Variants in NEUROD4 observed in about 807,000 individuals in gnomAD.
NEUROD4 encodes neurogenic differentiation factor 4.
In NEUROD4, 16 loss-of-function variants were observed where a neutral mutation model predicts 19.8. The observed-to-expected ratio is 0.81, with a 90% CI of 0.55 to 1.23. The LOEUF is 1.23. NEUROD4 is among the 50% of genes most tolerant of loss of function. The pLI is 0.00. For synonymous variants in NEUROD4, 153 were observed against 147.9 expected (o/e 1.03, Z -0.25); for missense variants, 439 against 398.6 (o/e 1.10, Z -0.86).
Position 55,026,549 on chromosome 12 carries a change from G to T in NEUROD4, c.110G>T (p.Arg37Ile). The change falls in exon 2 of 2, where the codon AGA becomes ATA. Residue 37 changes from arginine (R) to isoleucine (I), a missense_variant. By Grantham distance (97) the Arg-to-Ile change is moderately conservative. Transcript: ENST00000242994. ...AATGAGGTGAAGGAGGAAGAGAGCA[G>T]ACCAGGTACTTATGGGATGCTCAGC... ...SQNEVKEEESRPGTYGMLSSL... is the reference protein window; with the variant it reads ...SQNEVKEEESIPGTYGMLSSL... 6.2e-7 allele frequency: 1 copy of T among 1,614,026 alleles called. No homozygotes were observed. Among genetic ancestry groups the T allele is most frequent in the South Asian group, 1.1e-5 (1 of 91,048 alleles).
intron 1 of NEUROD4, among the ~76,000 whole-genome samples, chr12:55,024,781 C>A (rs1371019385): frequency 6.6e-6 from 1 of 152,134 alleles, no homozygotes; most frequent in South Asian, 2.1e-4. Flanking sequence ...ACCCAGGAAG[C>A]CTTATTAAGT....
chr12:55,026,374 G>A (rs1278240184), intron 1 of NEUROD4, 57 bp from the exon 2 acceptor site: 7 of 1,469,190 alleles, frequency 4.8e-6, no homozygotes, highest in Admixed American at 2.3e-5. Flanking sequence ...AAAAACTTTA[G>A]TTTCAAATAA....
chr12:55,026,652 T>C lies in NEUROD4; in HGVS notation c.213T>C (p.Gly71=). 1 of 1,613,124 alleles carries C rather than the reference T, an allele frequency of 6.2e-7. No homozygotes were observed. The highest frequency in any genetic ancestry group is 8.5e-7 in the Non-Finnish European group (1 of 1,179,726). ...ATGGGGAGAAACCTAAGAGAAGGGG[T>C]CCCAAGAAAAAGAAGATGACCAAAG... The part of the protein sequence containing the change: ...EEDGEKPKRR[G]PKKKKMTKAR... The change falls in exon 2 of 2, where the codon GGT becomes GGC. Residue 71 remains glycine, a synonymous_variant. Transcript: ENST00000242994.
chr12:55,026,631 G>A lies in NEUROD4; in HGVS notation c.192G>A (p.Gly64=), dbSNP rs1446116793. ...IEEEEEEEED[G]EKPKRRGPKK... is the part of the protein sequence containing the mutation. ...AAGAAGAAGAAGAGGAAGAAGATGG[G>A]GAGAAACCTAAGAGAAGGGGTCCCA... The change falls in exon 2 of 2, where the codon GGG becomes GGA. Residue 64 remains glycine, a synonymous_variant. Transcript: ENST00000242994. 4 of 1,613,710 alleles carry A rather than the reference G, an allele frequency of 2.5e-6. No individual in the cohort carries two copies. The Admixed American group carries it at 6.7e-5, about 27-fold the overall frequency.
chr12:55,026,922 G>C lies in NEUROD4; in HGVS notation c.483G>C (p.Gly161=). 6.2e-7 allele frequency: 1 copy of C among 1,614,144 alleles called. No homozygotes were observed. Among genetic ancestry groups the C allele is most frequent in the Non-Finnish European group, 8.5e-7 (1 of 1,180,020 alleles). The change falls in exon 2 of 2, where the codon GGG becomes GGC. Residue 161 remains glycine (G), a synonymous_variant. Transcript: ENST00000242994. ...GKGFVEMLCK[G]LSQPTSNLVA... ...GCTTTGTGGAGATGCTGTGTAAAGG[G>C]CTCTCTCAGCCCACAAGCAACCTGG...
rs1180417627 is a variant in NEUROD4, at chr12:55,028,044, GA to G, written c.*614del. Reference sequence around the variant, plus strand: ...ATGATAGGACCTCTTTGTATCTATTGAAAAATAGCTTCTGGAAGCTAAAAGT... The same window carrying G: ...ATGATAGGACCTCTTTGTATCTATTGAAAATAGCTTCTGGAAGCTAAAAGT... On this transcript the variant is annotated 3_prime_UTR_variant, in exon 2 of 2. Transcript: ENST00000242994. 1 of 167,038 alleles carries G rather than the reference GA, an allele frequency of 6.0e-6. No homozygotes were observed. The highest frequency in any genetic ancestry group is 6.5e-5 in the Admixed American group (1 of 15,278). The allele number at this position is 167,038 out of a possible 1,614,324, so 10.3% of individuals were successfully genotyped here.
chr12:55,022,530 A>T (rs1183472901), intron 1 of NEUROD4, among the ~76,000 whole-genome samples: 1 of 152,118 alleles, frequency 6.6e-6, no homozygotes, highest in Non-Finnish European at 1.5e-5. Flanking sequence ...TCTCTGATAG[A>T]CACTGCATAT....
At chr12:55,026,353 A>G in intron 1 of NEUROD4, 78 bp from the exon 2 acceptor site, 1 of 1,249,164 alleles carries the variant, frequency 8.0e-7, no homozygotes, top group Non-Finnish European at 1.1e-6. Flanking sequence ...TGGACAAGAT[A>G]ATTACATATA....
At chr12:55,025,134 T>C (rs1420261416) in intron 1 of NEUROD4, among the ~76,000 whole-genome samples, 1 of 152,232 alleles carries the variant, frequency 6.6e-6, no homozygotes, top group Non-Finnish European at 1.5e-5. Context: ...TGGTAAACCA[T>C]ATGCCTAAAA....
chr12:55,027,241 G>A lies in NEUROD4; in HGVS notation c.802G>A (p.Asp268Asn). ...CAGTGGGAACTTCTCCTTGAAGCAA[G>A]ATGGGTCTCCTGACCTAGAAAAATC... ...SISGNFSLKQ[D>N]GSPDLEKSYS... is the part of the protein sequence containing the mutation. The change falls in exon 2 of 2, where the codon GAT becomes AAT. Residue 268 changes from aspartate to asparagine, a missense_variant. Transcript: ENST00000242994. 6.2e-7 allele frequency: 1 copy of A among 1,614,114 alleles called. No homozygotes were observed. The highest frequency in any genetic ancestry group is 8.5e-7 in the Non-Finnish European group (1 of 1,180,014).
Position 55,027,308 on chromosome 12 carries a change from C to T in NEUROD4, c.869C>T (p.Ser290Leu). ...MPHYPSSSLS[S>L]GHVHSTPFQA... ...CATTACCCTTCTTCAAGTCTAAGCT[C>T]AGGGCATGTGCATTCAACTCCTTTT... Residue 290 changes from serine to leucine, a missense_variant, in exon 2 of 2, where the codon TCA becomes TTA. By Grantham distance (145) the Ser-to-Leu change is moderately radical. Transcript: ENST00000242994. 6.2e-7 allele frequency: 1 copy of T among 1,614,122 alleles called. No individual in the cohort carries two copies. Among genetic ancestry groups the T allele is most frequent in the South Asian group, 1.1e-5 (1 of 91,074 alleles).
At position 55,026,527 on chromosome 12, in the gene NEUROD4, G is replaced by A. The variant is rs902216883; in HGVS notation, c.88G>A (p.Glu30Lys). 1 of 1,614,028 alleles carries A rather than the reference G, an allele frequency of 6.2e-7. No individual in the cohort carries two copies. Among genetic ancestry groups the A allele is most frequent in the Non-Finnish European group, 8.5e-7 (1 of 1,179,954 alleles). ...GGATAAAGGTCTGGGCTCCCAAAATGAGGTGAAGGAGGAAGAGAGCAGACC... is the reference window on the plus strand; with the variant it reads ...GGATAAAGGTCTGGGCTCCCAAAATAAGGTGAAGGAGGAAGAGAGCAGACC... Reference protein sequence around the residue: ...WMDKGLGSQNEVKEEESRPGT... With the variant: ...WMDKGLGSQNKVKEEESRPGT... The change falls in exon 2 of 2, where the codon GAG (glutamate) becomes AAG (lysine). Residue 30 changes from glutamate (E) to lysine (K), a missense_variant. Physicochemically the swap from Glu to Lys is moderately conservative, Grantham distance 56. Coordinates refer to ENST00000242994, the MANE Select transcript of NEUROD4 (RefSeq NM_021191.3).
rs1466703266 is a variant in NEUROD4 at position 55,028,364 on chromosome 12, A to T, written c.*929A>T. 1 of 167,110 alleles carries T rather than the reference A, an allele frequency of 6.0e-6. No individual in the cohort carries two copies. Among genetic ancestry groups the T allele is most frequent in the African/African-American group, 2.4e-5 (1 of 41,456 alleles). 10.4% of individuals were successfully genotyped at this position (167,110 alleles called of 1,614,324 possible). Reference sequence around the variant, plus strand: ...CCAGAGGGCTCTGGAACTTCTGATGAAGCTCAGGTGCTGCTGTTAGAATCA... The same window carrying T: ...CCAGAGGGCTCTGGAACTTCTGATGTAGCTCAGGTGCTGCTGTTAGAATCA... On this transcript the variant is annotated 3_prime_UTR_variant, in exon 2 of 2. Transcript: ENST00000242994.
Position 55,027,557 on chromosome 12 carries a change from G to A in NEUROD4, c.*122G>A, listed in dbSNP as rs998967137. ...GGATATATATCAAACAATAGTTCAA[G>A]TCCATTTAGGCTTTCCTTCACCTAT... On this transcript the variant is annotated 3_prime_UTR_variant, in exon 2 of 2. Coordinates refer to ENST00000242994, the MANE Select transcript of NEUROD4 (RefSeq NM_021191.3). 1.5e-5 allele frequency: 14 copies of A among 936,024 alleles called. No homozygotes were observed. The highest frequency in any genetic ancestry group is 2.1e-5 in the Non-Finnish European group (13 of 613,396). The allele number at this position is 936,024 out of a possible 1,614,324, so 58.0% of individuals were successfully genotyped here. A position where few individuals can be genotyped will look rare whatever the true frequency, so the allele number is the denominator to read the frequency against.
At chr12:55,020,633 GA>G (rs1952668062) in intron 1 of NEUROD4, among the ~76,000 whole-genome samples, 1 of 152,178 alleles carries the variant, frequency 6.6e-6, no homozygotes. Flanking sequence ...TGTTAGTGGT[GA>G]AAATGTCGAA....
At chr12:55,022,456 A>G (rs1286143882) in intron 1 of NEUROD4, among the ~76,000 whole-genome samples, 1 of 152,136 alleles carries the variant, frequency 6.6e-6, no homozygotes, top group African/African-American at 2.4e-5. Flanking sequence ...TATTTAGGTG[A>G]AAAAAGTCAG....
intron 1 of NEUROD4, among the ~76,000 whole-genome samples, chr12:55,024,343 A>G (rs1236515436): frequency 6.6e-6 from 1 of 152,170 alleles, no homozygotes; most frequent in Non-Finnish European, 1.5e-5. Flanking sequence ...ACTCCACCAG[A>G]ACTATATCTT....
At chr12:55,026,289 G>C in intron 1 of NEUROD4, 142 bp from the exon 2 acceptor site, 1 of 601,362 alleles carries the variant, frequency 1.7e-6, no homozygotes, top group South Asian at 2.5e-5. Context: ...ATAACTAAAG[G>C]AGTATTCTGG....
intron 1 of NEUROD4, among the ~76,000 whole-genome samples, chr12:55,023,771 C>G (rs527422093): frequency 3.0e-4 from 45 of 152,336 alleles, no homozygotes; most frequent in African/African-American, 1.0e-3. Context: ...CTTTTCATTA[C>G]TTTGGCCAAA....
Sources: allele counts gnomAD v4.1 joint callset (sites outside exome capture counted in the v4.1 genomes callset), GRCh38; gene constraint gnomAD v4.1.1; transcripts MANE v1.5; gene names NCBI Gene and HGNC (gene_info 2026-07-23, HGNC 2026-07-21).